Variants in GPHN observed in about 807,000 individuals in gnomAD.
GPHN encodes the protein gephyrin.
GPHN carries 17 observed loss-of-function variants against 95.5 expected under a neutral mutation model. The ratio of observed to expected loss-of-function variants is 0.18; its 90% CI spans 0.12 to 0.27. GPHN has a LOEUF of 0.27. Ranked by LOEUF, GPHN falls within the 10% of genes least tolerant of loss-of-function variation. The pLI, the probability that GPHN is intolerant of heterozygous loss-of-function variation, is 1.00. For missense variants in GPHN, 660 were observed against 978.1 expected (o/e 0.67, Z 4.34); for synonymous variants, 320 against 322.5 (o/e 0.99, Z 0.08).
chr14:67,043,773 T>G (rs1426126259), intron 10 of GPHN, among the ~76,000 whole-genome samples: 1 of 152,062 alleles, frequency 6.6e-6, no homozygotes, highest in East Asian at 1.9e-4. Context: ...CTTTTTCTAT[T>G]GTTTAGAATA....
chr14:66,844,279 T>C (rs1340093195), intron 4 of GPHN, among the ~76,000 whole-genome samples: 1 of 152,178 alleles, frequency 6.6e-6, no homozygotes, highest in Non-Finnish European at 1.5e-5. Context: ...TTTCTCATTA[T>C]TGTATTTGCA....
intron 3 of GPHN, among the ~76,000 whole-genome samples, chr14:66,806,292 T>G (rs980041629): frequency 6.6e-6 from 1 of 152,110 alleles, no homozygotes; most frequent in African/African-American, 2.4e-5. Flanking sequence ...AAAACCACTT[T>G]TTCCTCTTAG....
At chr14:67,696,633 A>C in the GPHN span, among the ~76,000 whole-genome samples, 1 of 152,196 alleles carries the variant, frequency 6.6e-6, no homozygotes, top group African/African-American at 2.4e-5. Flanking sequence ...AGATTGGCAC[A>C]GTTGGTTTTG....
chr14:67,256,777 G>A, the GPHN span, among the ~76,000 whole-genome samples: 3 of 145,500 alleles, frequency 2.1e-5, no homozygotes, highest in Non-Finnish European at 3.0e-5. Flanking sequence ...GTAGGAGGAC[G>A]AAGTGTTCCA....
At chr14:67,067,338 G>T (rs2153654809) in intron 11 of GPHN, among the ~76,000 whole-genome samples, 1 of 152,240 alleles carries the variant, frequency 6.6e-6, no homozygotes, top group South Asian at 2.1e-4. Flanking sequence ...ATCCCAGAGG[G>T]ACACCTGCCT....
At chr14:66,868,183 G>A (rs1261708187) in intron 4 of GPHN, among the ~76,000 whole-genome samples, 1 of 152,118 alleles carries the variant, frequency 6.6e-6, no homozygotes, top group Non-Finnish European at 1.5e-5. Flanking sequence ...TATTTAATCA[G>A]CAGAGGGCAC....
At chr14:66,826,135 A>G (rs1355524990) in intron 4 of GPHN, among the ~76,000 whole-genome samples, 1 of 152,238 alleles carries the variant, frequency 6.6e-6, no homozygotes, top group Non-Finnish European at 1.5e-5. Flanking sequence ...ATTAATTCAT[A>G]ACCAAATAAC....
intron 8 of GPHN, among the ~76,000 whole-genome samples, chr14:66,954,077 C>G (rs1369354477): frequency 4.6e-5 from 7 of 150,632 alleles, no homozygotes; most frequent in African/African-American, 1.2e-4. Flanking sequence ...ATTATGAATC[C>G]TCTAACTTTC....
the GPHN span, among the ~76,000 whole-genome samples, chr14:67,517,700 A>G: frequency 2.6e-5 from 4 of 152,066 alleles, no homozygotes; most frequent in Non-Finnish European, 5.9e-5. Context: ...TTTCTTCCCA[A>G]AAAAATTTAG....
At chr14:67,669,305 TG>T in the GPHN span, among the ~76,000 whole-genome samples, 1 of 151,566 alleles carries the variant, frequency 6.6e-6, no homozygotes, top group Non-Finnish European at 1.5e-5. Flanking sequence ...AGTCTTGCTC[TG>T]TCACCCAGGT....
In GPHN at chr14:66,508,442, C is replaced by A. The variant is rs928982250; in HGVS notation, c.-86C>A. 7 of 1,224,020 alleles carry A rather than the reference C, an allele frequency of 5.7e-6. No homozygotes were observed. Among genetic ancestry groups the A allele is most frequent in the Non-Finnish European group, 8.5e-6 (7 of 824,494 alleles). 75.8% of individuals were successfully genotyped at this position (1,224,020 alleles called of 1,614,324 possible). ...TCTCTGGCTCCCTAGCTGTCGCGCT[C>A]TCCTCGGCGAGCGCGCTCCCGGCCC... On this transcript the variant is annotated 5_prime_UTR_variant, in exon 1 of 23. Coordinates refer to ENST00000478722, the MANE Select transcript of GPHN (RefSeq NM_020806.5).
Position 67,159,404 on chromosome 14 carries a change from A to AAT in GPHN, c.1837-10_1837-9dup. 6.6e-7 allele frequency: 1 copy of AAT among 1,513,932 alleles called. No individual in the cohort carries two copies. Among genetic ancestry groups the AAT allele is most frequent in the Non-Finnish European group, 9.2e-7 (1 of 1,088,758 alleles). 93.8% of individuals were successfully genotyped at this position (1,513,932 alleles called of 1,614,324 possible). ...GTTTGAAAGTAAAGTGATTATTTTT[A>AAT]ATGTTTGCAGGACTATCTCAAGCAG... On this transcript the variant is annotated splice_polypyrimidine_tract_variant and intron_variant, in intron 18 of 22. Coordinates refer to ENST00000478722, the MANE Select transcript of GPHN (RefSeq NM_020806.5).
At chr14:67,695,352 C>A in the GPHN span, among the ~76,000 whole-genome samples, 1,276 of 152,298 alleles carry the variant, frequency 8.4e-3, 13 homozygotes, top group African/African-American at 0.029. Context: ...CCTCGGGATT[C>A]CCTGGAGCCA....
the GPHN span, among the ~76,000 whole-genome samples, chr14:67,608,424 G>C: frequency 6.6e-6 from 1 of 152,092 alleles, no homozygotes; most frequent in Admixed American, 6.6e-5. Flanking sequence ...ATGCAAACAC[G>C]ATGCCATTTT....
chr14:66,777,083 T>TA (rs763738096), intron 3 of GPHN, among the ~76,000 whole-genome samples: 9,836 of 107,286 alleles, frequency 0.092, 520 homozygotes, highest in African/African-American at 0.2. Context: ...GCAAGACTAA[T>TA]AAAAAAAAAA....
chr14:67,287,442 G>A, the GPHN span, among the ~76,000 whole-genome samples: 7 of 152,138 alleles, frequency 4.6e-5, no homozygotes, highest in African/African-American at 1.7e-4. Flanking sequence ...AAGCACTCTA[G>A]TAGTAAAATG....
At chr14:67,283,889 C>T in the GPHN span, among the ~76,000 whole-genome samples, 1 of 152,134 alleles carries the variant, frequency 6.6e-6, no homozygotes, top group Admixed American at 6.5e-5. Context: ...TTTCTGCCTG[C>T]GAAGATTTGC....
At chr14:67,102,156 G>A (rs1316342198) in intron 13 of GPHN, among the ~76,000 whole-genome samples, 2 of 152,098 alleles carry the variant, frequency 1.3e-5, no homozygotes, top group South Asian at 2.1e-4. Context: ...ACAAGCGTGA[G>A]CCACCGCGCC....
chr14:67,669,053 C>T, the GPHN span, among the ~76,000 whole-genome samples: 1 of 152,064 alleles, frequency 6.6e-6, no homozygotes, highest in African/African-American at 2.4e-5. Flanking sequence ...ATTCTAAGGA[C>T]TTTACATATA....
Sources: allele counts gnomAD v4.1 joint callset (sites outside exome capture counted in the v4.1 genomes callset), GRCh38; gene constraint gnomAD v4.1.1; transcripts MANE v1.5; gene names NCBI Gene and HGNC (gene_info 2026-07-23, HGNC 2026-07-21).